Variants in SCAI observed in about 807,000 individuals in gnomAD.
The protein encoded by SCAI is protein SCAI.
SCAI carries 24 observed loss-of-function variants against 92.2 expected under a neutral mutation model. The observed-to-expected ratio is 0.26, with a 90% CI of 0.19 to 0.37. The LOEUF is 0.37. SCAI is among the 10% of genes least tolerant of loss of function. The pLI is 1.00. For missense variants in SCAI, 450 were observed against 736.2 expected (o/e 0.61, Z 4.50); for synonymous variants, 261 against 258.6 (o/e 1.01, Z -0.09).
chr9:124,957,427 A>G (rs1831338203), intron 17 of SCAI, among the ~76,000 whole-genome samples: 1 of 151,742 alleles, frequency 6.6e-6, no homozygotes, highest in Admixed American at 6.6e-5. Flanking sequence ...CAGTGGTGCA[A>G]TCTCGGCTCA....
At chr9:124,959,420 T>C (rs1831389549) in intron 17 of SCAI, among the ~76,000 whole-genome samples, 1 of 150,058 alleles carries the variant, frequency 6.7e-6, no homozygotes, top group Non-Finnish European at 1.5e-5. Flanking sequence ...CTGGTGGGAA[T>C]GTAACTATGG....
At chr9:125,039,126 G>A (rs976948557) in intron 3 of SCAI, among the ~76,000 whole-genome samples, 5 of 152,088 alleles carry the variant, frequency 3.3e-5, no homozygotes, top group Admixed American at 6.5e-5. Flanking sequence ...AGTGGCTCAC[G>A]CCTGTAATCC....
intron 14 of SCAI, among the ~76,000 whole-genome samples, chr9:124,992,769 AC>A (rs1398994760): frequency 6.8e-6 from 1 of 147,240 alleles, no homozygotes; most frequent in African/African-American, 2.7e-5. Flanking sequence ...TCAAAAGCAA[AC>A]AACAACAACA....
intron 2 of SCAI, among the ~76,000 whole-genome samples, chr9:125,136,884 G>A (rs187598962): frequency 2.7e-5 from 4 of 150,610 alleles, no homozygotes; most frequent in East Asian, 3.9e-4. Context: ...CCTCAGCCTC[G>A]CAAGTAACTG....
Position 125,002,818 on chromosome 9 carries a change from A to C in SCAI, c.1065+296T>G, listed in dbSNP as rs185610008. ...TTGTTACACCTAAAATCATTGAGTAATAAAAAACTGGAGGAAGGAGAACCA... is the reference window on the plus strand; with the variant it reads ...TTGTTACACCTAAAATCATTGAGTACTAAAAAACTGGAGGAAGGAGAACCA... On this transcript the variant is annotated intron_variant, in intron 11 of 17. Coordinates refer to ENST00000336505, the MANE Select transcript of SCAI (RefSeq NM_001144877.3). Among the ~76,000 whole-genome samples the C allele has an allele frequency of 7.5e-4, 114 of 152,098 alleles. 2 individuals are homozygous for C. Among genetic ancestry groups the C allele is most frequent in the Non-Finnish European group, 3.8e-4 (26 of 67,962 alleles).
At chr9:125,082,019 T>A (rs1426978706) in intron 2 of SCAI, among the ~76,000 whole-genome samples, 1 of 152,144 alleles carries the variant, frequency 6.6e-6, no homozygotes, top group Non-Finnish European at 1.5e-5. Context: ...CCAAAATTAA[T>A]CCCCAAGACT....
At chr9:125,047,990 T>C (rs534230924) in intron 3 of SCAI, among the ~76,000 whole-genome samples, 1 of 152,336 alleles carries the variant, frequency 6.6e-6, no homozygotes, top group East Asian at 1.9e-4. Flanking sequence ...TCTTTTGTTT[T>C]TTTTTGAGAT....
At chr9:125,140,401 G>A (rs1179734251) in intron 2 of SCAI, among the ~76,000 whole-genome samples, 1 of 151,806 alleles carries the variant, frequency 6.6e-6, no homozygotes, top group African/African-American at 2.4e-5. Context: ...GGTGGCAGGC[G>A]CCTGTAATCC....
intron 14 of SCAI, among the ~76,000 whole-genome samples, chr9:124,992,631 G>A (rs1041722281): frequency 6.6e-6 from 1 of 151,940 alleles, no homozygotes; most frequent in Non-Finnish European, 1.5e-5. Flanking sequence ...TGATCCGCCC[G>A]CCTCAGCCTC....
At chr9:125,014,350 A>T (rs1448074828) in intron 9 of SCAI, among the ~76,000 whole-genome samples, 1 of 152,128 alleles carries the variant, frequency 6.6e-6, no homozygotes, top group Non-Finnish European at 1.5e-5. Flanking sequence ...TACAAAAATC[A>T]ATGTACAAAA....
At chr9:124,996,566 G>C (rs1040137394) in intron 13 of SCAI, among the ~76,000 whole-genome samples, 2 of 152,032 alleles carry the variant, frequency 1.3e-5, no homozygotes, top group Non-Finnish European at 2.9e-5. Flanking sequence ...GCCTCCCAAA[G>C]TGCTGAGATT....
intron 2 of SCAI, among the ~76,000 whole-genome samples, chr9:125,121,947 A>G (rs1835165401): frequency 6.6e-6 from 1 of 152,258 alleles, no homozygotes; most frequent in African/African-American, 2.4e-5. Flanking sequence ...GAAAAAATCA[A>G]TGACAGAAGT....
chr9:125,094,238 T>C (rs969473820), intron 2 of SCAI, among the ~76,000 whole-genome samples: 3 of 152,184 alleles, frequency 2.0e-5, no homozygotes, highest in Non-Finnish European at 4.4e-5. Context: ...TGATCACCAC[T>C]ATTATATCCA....
At chr9:125,078,707 G>A (rs1834146489) in intron 2 of SCAI, among the ~76,000 whole-genome samples, 1 of 150,834 alleles carries the variant, frequency 6.6e-6, no homozygotes, top group Non-Finnish European at 1.5e-5. Flanking sequence ...CTTGAGCCTG[G>A]GAGTTTGAGA....
chr9:124,956,435 T>C (rs2131573067), intron 17 of SCAI, among the ~76,000 whole-genome samples: 1 of 152,154 alleles, frequency 6.6e-6, no homozygotes, highest in African/African-American at 2.4e-5. Flanking sequence ...GTCAGGTTGG[T>C]CTCGAACTCC....
At chr9:125,053,111 G>T (rs1297319001) in intron 3 of SCAI, among the ~76,000 whole-genome samples, 1 of 152,128 alleles carries the variant, frequency 6.6e-6, no homozygotes, top group Non-Finnish European at 1.5e-5. Flanking sequence ...GAAGCAGGTG[G>T]ATCACCTGAG....
chr9:125,141,941 G>A (rs1170531977), intron 2 of SCAI, among the ~76,000 whole-genome samples: 2 of 152,060 alleles, frequency 1.3e-5, no homozygotes, highest in Non-Finnish European at 2.9e-5. Flanking sequence ...TTTATTTTTT[G>A]AGGCAGGGTC....
At chr9:125,012,123 C>T (rs1316821495) in intron 9 of SCAI, among the ~76,000 whole-genome samples, 1 of 152,182 alleles carries the variant, frequency 6.6e-6, no homozygotes, top group Non-Finnish European at 1.5e-5. Context: ...ACTGCATCAA[C>T]TAACGAGCAA....
At chr9:125,119,594 G>A (rs890148292) in intron 2 of SCAI, among the ~76,000 whole-genome samples, 2 of 152,120 alleles carry the variant, frequency 1.3e-5, no homozygotes, top group Admixed American at 6.5e-5. Context: ...ACAGTTCAAC[G>A]TATAGTATGA....
Sources: gnomAD v4.1 joint callset for allele counts (sites outside exome capture counted in the v4.1 genomes callset) on GRCh38, gnomAD v4.1.1 for gene constraint, MANE v1.5 for transcripts, NCBI Gene and HGNC (gene_info 2026-07-23, HGNC 2026-07-21) for gene names.